Variants in FUT8 observed in about 807,000 individuals in gnomAD.
The protein encoded by FUT8 is alpha-(1,6)-fucosyltransferase.
A neutral mutation model predicts 71.3 loss-of-function variants in FUT8; 29 were observed. The observed-to-expected ratio is 0.41, with a 90% CI of 0.30 to 0.55. The LOEUF (loss-of-function observed/expected upper bound fraction) is 0.55, where lower values mean the gene tolerates loss of function less well. Ranked by LOEUF, FUT8 falls within the 20% of genes least tolerant of loss-of-function variation. FUT8 has a pLI of 0.34. For missense variants in FUT8, 544 were observed against 702.1 expected, an observed-to-expected ratio of 0.77 and a Z score of 2.55; for synonymous variants, 254 against 239.3, an observed-to-expected ratio of 1.06 and a Z score of -0.57.
chr14:65,741,718 C>T (rs950786837), intron 10 of FUT8, among the ~76,000 whole-genome samples: 4 of 151,952 alleles, frequency 2.6e-5, no homozygotes, highest in Admixed American at 2.6e-4. Context: ...TCTTTAAGGG[C>T]ACAAACTATG....
intron 2 of FUT8, among the ~76,000 whole-genome samples, chr14:65,512,572 C>A (rs546157265): frequency 6.6e-6 from 1 of 152,152 alleles, no homozygotes; most frequent in African/African-American, 2.4e-5. Context: ...ACTGAACGTT[C>A]TAAAGGAGAT....
At chr14:65,515,865 G>A (rs1474700287) in intron 2 of FUT8, among the ~76,000 whole-genome samples, 1 of 152,152 alleles carries the variant, frequency 6.6e-6, no homozygotes, top group Non-Finnish European at 1.5e-5. Context: ...ATAAGCAGCA[G>A]CAAAATATCA....
chr14:65,493,055 A>G (rs1345728624), intron 2 of FUT8, among the ~76,000 whole-genome samples: 1 of 152,086 alleles, frequency 6.6e-6, no homozygotes, highest in Non-Finnish European at 1.5e-5. Context: ...TTTTTTGTGT[A>G]CAAGCGTGAA....
intron 6 of FUT8, among the ~76,000 whole-genome samples, chr14:65,647,583 A>T (rs189725027): frequency 1.7e-4 from 26 of 152,332 alleles, no homozygotes; most frequent in Non-Finnish European, 3.4e-4. Context: ...CTGACATTTT[A>T]CAGTTGAAGT....
chr14:65,641,936 C>A (rs956582082), intron 6 of FUT8, among the ~76,000 whole-genome samples: 1 of 151,738 alleles, frequency 6.6e-6, no homozygotes, highest in African/African-American at 2.4e-5. Context: ...AGTCCTTTGT[C>A]TGATGTGTGT....
the FUT8 span, among the ~76,000 whole-genome samples, chr14:65,401,962 T>TG: frequency 6.9e-6 from 1 of 145,256 alleles, no homozygotes; most frequent in Non-Finnish European, 1.5e-5. Flanking sequence ...AGGAATGCCA[T>TG]GGGGAATGCG....
chr14:65,461,007 G>A (rs2065961813), intron 2 of FUT8, among the ~76,000 whole-genome samples: 1 of 152,224 alleles, frequency 6.6e-6, no homozygotes, highest in Non-Finnish European at 1.5e-5. Flanking sequence ...AGCTGTGTGT[G>A]TGTGTATTAG....
chr14:65,420,962 A>G (rs1043678136), intron 1 of FUT8, among the ~76,000 whole-genome samples: 7 of 152,192 alleles, frequency 4.6e-5, no homozygotes, highest in Admixed American at 2.0e-4. Flanking sequence ...TGGGAGGCCA[A>G]GGTGGGCGGA....
At chr14:65,665,477 T>A (rs1044496669) in intron 6 of FUT8, among the ~76,000 whole-genome samples, 1 of 152,188 alleles carries the variant, frequency 6.6e-6, no homozygotes, top group Non-Finnish European at 1.5e-5. Flanking sequence ...AAAGAACTTA[T>A]ACACTGCTGG....
At chr14:65,365,584 C>T in the FUT8 span, among the ~76,000 whole-genome samples, 12 of 6,500 alleles carry the variant, frequency 1.8e-3, no homozygotes, top group Non-Finnish European at 0.044. Context: ...AGGAAGCCAG[C>T]TAAAACCACC....
chr14:65,397,748 A>G, the FUT8 span, among the ~76,000 whole-genome samples: 5 of 152,232 alleles, frequency 3.3e-5, no homozygotes, highest in African/African-American at 9.6e-5. The surrounding 1 kb of genome is among the most constrained non-coding windows in gnomAD (Gnocchi z 4.2). Context: ...GTAAATAATT[A>G]TCTTCCTTGT....
At chr14:65,671,443 G>A (rs931590274) in intron 7 of FUT8, among the ~76,000 whole-genome samples, 3 of 152,028 alleles carry the variant, frequency 2.0e-5, no homozygotes, top group African/African-American at 7.2e-5. Context: ...TTATTCATCT[G>A]GAATCAAAGG....
intron 2 of FUT8, among the ~76,000 whole-genome samples, chr14:65,540,165 A>G (rs1214793758): frequency 6.6e-6 from 1 of 152,196 alleles, no homozygotes; most frequent in African/African-American, 2.4e-5. Context: ...TCTCAACATC[A>G]GTAGTGATTC....
the FUT8 span, among the ~76,000 whole-genome samples, chr14:65,361,310 T>G: frequency 6.8e-6 from 1 of 147,992 alleles, no homozygotes; most frequent in Non-Finnish European, 1.5e-5. Context: ...GAGCCGAGAT[T>G]GTGCCATTGC....
the FUT8 span, among the ~76,000 whole-genome samples, chr14:65,400,533 C>G: frequency 6.6e-6 from 1 of 152,176 alleles, no homozygotes; most frequent in Non-Finnish European, 1.5e-5. Context: ...AAACTCTTTA[C>G]TTCAACACAT....
chr14:65,719,849 G>A (rs1168221221), intron 7 of FUT8, among the ~76,000 whole-genome samples: 1 of 152,190 alleles, frequency 6.6e-6, no homozygotes, highest in East Asian at 1.9e-4. Flanking sequence ...TGTAGTTGGG[G>A]GAGTGGTGAC....
chr14:65,398,172 T>G, the FUT8 span, among the ~76,000 whole-genome samples: 1 of 152,184 alleles, frequency 6.6e-6, no homozygotes, highest in Non-Finnish European at 1.5e-5. Flanking sequence ...ATTTATTTAT[T>G]TATTTTGAGA....
chr14:65,461,877 G>C (rs1251986413), intron 2 of FUT8, among the ~76,000 whole-genome samples: 1 of 152,182 alleles, frequency 6.6e-6, no homozygotes, highest in Non-Finnish European at 1.5e-5. Flanking sequence ...TTTTAACAAT[G>C]TGTAAGAAAA....
At chr14:65,527,614 G>T (rs921685061) in intron 2 of FUT8, among the ~76,000 whole-genome samples, 8 of 152,096 alleles carry the variant, frequency 5.3e-5, no homozygotes, top group Non-Finnish European at 1.0e-4. Context: ...CTTTGGAGGG[G>T]GAGAGGCGCT....
Sources: gnomAD v4.1 joint callset for allele counts (sites outside exome capture counted in the v4.1 genomes callset) on GRCh38, gnomAD v4.1.1 for gene constraint, Gnocchi (gnomAD v3.1) non-coding constraint, MANE v1.5 for transcripts, NCBI Gene and HGNC (gene_info 2026-07-23, HGNC 2026-07-21) for gene names.